The following CERS6 variants were observed in gnomAD, a reference collection of about 807,000 sequenced individuals.
CERS6 encodes the protein ceramide synthase 6.
CERS6 carries 26 observed loss-of-function variants against 56.8 expected under a neutral mutation model. The ratio of observed to expected loss-of-function variants is 0.46; its 90% confidence interval spans 0.34 to 0.63. The LOEUF is 0.63. CERS6 is among the 30% of genes least tolerant of loss of function. CERS6 has a pLI of 0.01. For synonymous variants in CERS6, 164 were observed against 173.3 expected (o/e 0.95, Z 0.42); for missense variants, 415 against 467.5 (o/e 0.89, Z 1.04).
intron 1 of CERS6, among the ~76,000 whole-genome samples, chr2:168,511,302 G>A (rs1334789777): frequency 6.6e-6 from 1 of 152,108 alleles, no homozygotes; most frequent in Non-Finnish European, 1.5e-5. Context: ...CTGGGTTTTT[G>A]TATTTTTTCC....
chr2:168,673,457 G>A (rs988781120), intron 4 of CERS6, among the ~76,000 whole-genome samples: 3 of 152,180 alleles, frequency 2.0e-5, no homozygotes, highest in South Asian at 2.1e-4. Flanking sequence ...GTTTCCATTC[G>A]TGGGGTCGGT....
At chr2:168,564,676 C>T (rs1307624699) in intron 3 of CERS6, among the ~76,000 whole-genome samples, 1 of 152,114 alleles carries the variant, frequency 6.6e-6, no homozygotes, top group African/African-American at 2.4e-5. Context: ...TGTTCCAGGC[C>T]AGGAACTTCC....
At chr2:168,624,609 A>ACC (rs762984679) in intron 3 of CERS6, among the ~76,000 whole-genome samples, 5 of 151,864 alleles carry the variant, frequency 3.3e-5, no homozygotes, top group African/African-American at 1.2e-4. Context: ...AATAGGTGAC[A>ACC]CCCCCCACCC....
intron 3 of CERS6, among the ~76,000 whole-genome samples, chr2:168,623,605 C>G (rs986027551): frequency 1.3e-5 from 2 of 152,096 alleles, no homozygotes; most frequent in Admixed American, 1.3e-4. Context: ...TTATTAAATA[C>G]AAAATAATTG....
At chr2:168,538,248 A>C (rs1311555982) in intron 1 of CERS6, among the ~76,000 whole-genome samples, 1 of 151,970 alleles carries the variant, frequency 6.6e-6, no homozygotes, top group Non-Finnish European at 1.5e-5. Flanking sequence ...AACCAAAAAA[A>C]AAAAAAAAAA....
chr2:168,743,634 A>T (rs1683995736), intron 8 of CERS6, among the ~76,000 whole-genome samples: 1 of 152,258 alleles, frequency 6.6e-6, no homozygotes, highest in African/African-American at 2.4e-5. Context: ...AAACATAATA[A>T]GCCTGATGCT....
At chr2:168,765,804 T>A (rs1559085882) in intron 9 of CERS6, 56 bp downstream of exon 9, 19 of 1,498,130 alleles carry the variant, frequency 1.3e-5, no homozygotes, top group Non-Finnish European at 1.6e-5. Context: ...TTTTGTAATT[T>A]CTCTGGATCA....
Position 168,621,801 on chromosome 2 carries a change from T to C in CERS6, c.408-9184T>C, listed in dbSNP as rs115895860. Among the ~76,000 whole-genome samples the C allele has an allele frequency of 6.0e-3, 921 of 152,304 alleles. 6 individuals are homozygous for C. Among genetic ancestry groups the C allele is most frequent in the African/African-American group, 0.02 (829 of 41,568 alleles). On this transcript the variant is annotated intron_variant, in intron 3 of 9. Coordinates refer to ENST00000305747, the MANE Select transcript of CERS6 (RefSeq NM_203463.3). ...AACATAGTGGATTTAGAACTATATA[T>C]GCATACAATATCTGATACACTTCCA...
intron 1 of CERS6, among the ~76,000 whole-genome samples, chr2:168,471,819 C>T (rs62175793): frequency 0.03 from 4,552 of 152,208 alleles, 89 homozygotes; most frequent in Middle Eastern, 0.048. Flanking sequence ...TCTAAGAGTC[C>T]GGCTGCTGCT....
intron 7 of CERS6, among the ~76,000 whole-genome samples, 172 bp downstream of exon 7, chr2:168,715,301 A>G (rs1363937724): frequency 6.6e-6 from 1 of 152,146 alleles, no homozygotes; most frequent in Non-Finnish European, 1.5e-5. Flanking sequence ...GAGATTCTAA[A>G]TTAGTATGTA....
chr2:168,742,731 T>G (rs967626675), intron 8 of CERS6, among the ~76,000 whole-genome samples: 2 of 152,100 alleles, frequency 1.3e-5, no homozygotes, highest in Non-Finnish European at 2.9e-5. Context: ...ACAGAAAGAT[T>G]GATGGACAGG....
intron 8 of CERS6, among the ~76,000 whole-genome samples, chr2:168,758,984 A>G (rs16855787): frequency 0.065 from 9,843 of 152,210 alleles, 1,065 homozygotes; most frequent in African/African-American, 0.22. Context: ...GCATGAATGT[A>G]TGCATCCCAC....
chr2:168,497,206 G>A (rs536142426), intron 1 of CERS6, among the ~76,000 whole-genome samples: 1 of 152,266 alleles, frequency 6.6e-6, no homozygotes, highest in Admixed American at 6.5e-5. Context: ...TATAATGGTG[G>A]TGACTGAGTT....
At chr2:168,577,317 A>G (rs1018202088) in intron 3 of CERS6, among the ~76,000 whole-genome samples, 3 of 152,196 alleles carry the variant, frequency 2.0e-5, no homozygotes, top group Admixed American at 6.5e-5. Context: ...CTCACAGTCC[A>G]TGTAGCAACA....
chr2:168,517,793 G>A (rs745517137), intron 1 of CERS6, among the ~76,000 whole-genome samples: 2 of 152,194 alleles, frequency 1.3e-5, no homozygotes, highest in African/African-American at 2.4e-5. Flanking sequence ...GTCTGAGAGT[G>A]TAAGAGGTTA....
At chr2:168,476,683 G>T (rs1056468508) in intron 1 of CERS6, among the ~76,000 whole-genome samples, 1 of 152,128 alleles carries the variant, frequency 6.6e-6, no homozygotes, top group African/African-American at 2.4e-5. Flanking sequence ...GGAGTCCCAA[G>T]GCTGGAGAGC....
intron 1 of CERS6, among the ~76,000 whole-genome samples, chr2:168,479,390 A>G (rs1694136530): frequency 6.6e-6 from 1 of 152,192 alleles, no homozygotes; most frequent in Admixed American, 6.5e-5. Context: ...GTGTGTATAT[A>G]TAATGTTTAA....
intron 4 of CERS6, among the ~76,000 whole-genome samples, chr2:168,635,339 C>G (rs918689951): frequency 1.1e-4 from 16 of 152,184 alleles, no homozygotes; most frequent in African/African-American, 3.1e-4. Context: ...TTGGAACCAG[C>G]TGCTGCTGCT....
rs143750968 is a variant in CERS6 at position 168,555,107 on chromosome 2, G to C, written c.277-6085G>C. ...TTTATAATCCTATATTCTGAATGTA[G>C]AGACTGTACTTTCTTTTCAAGTAGC... On this transcript the variant is annotated intron_variant, in intron 2 of 9. Transcript: ENST00000305747. Among the ~76,000 whole-genome samples the C allele has an allele frequency of 2.5e-3, 385 of 152,142 alleles. 1 individual carries two copies. The highest frequency in any genetic ancestry group is 8.9e-3 in the African/African-American group (368 of 41,542).
Sources: allele counts gnomAD v4.1 joint callset (sites outside exome capture counted in the v4.1 genomes callset), GRCh38; gene constraint gnomAD v4.1.1; transcripts MANE v1.5; gene names NCBI Gene and HGNC (gene_info 2026-07-23, HGNC 2026-07-21).